KIAA1217: variants seen among roughly 807,000 people sequenced by gnomAD.
KIAA1217 encodes the protein sickle tail protein homolog.
Under a neutral mutation model 163.9 loss-of-function variants are expected in KIAA1217, and 88 were observed. The ratio of observed to expected loss-of-function variants is 0.54; its 90% confidence interval spans 0.45 to 0.64. KIAA1217 has a LOEUF of 0.64. KIAA1217 is among the 30% of genes least tolerant of loss of function. The pLI is 0.00. For synonymous variants in KIAA1217, 903 were observed against 923.1 expected, an observed-to-expected ratio of 0.98 and a Z score of 0.39; for missense variants, 2,372 against 2,475.0, an observed-to-expected ratio of 0.96 and a Z score of 0.88.
At chr10:24,018,207 T>C (rs1826478713) in intron 2 of KIAA1217, among the ~76,000 whole-genome samples, 1 of 152,018 alleles carries the variant, frequency 6.6e-6, no homozygotes, top group Non-Finnish European at 1.5e-5. Context: ...TGAGAACCCA[T>C]TAGCAAAAGC....
At chr10:24,130,324 G>T (rs1019812096) in intron 2 of KIAA1217, among the ~76,000 whole-genome samples, 1 of 152,136 alleles carries the variant, frequency 6.6e-6, no homozygotes, top group Non-Finnish European at 1.5e-5. Flanking sequence ...CAAGCATCAC[G>T]ATTTCCTATG....
Position 24,473,967 on chromosome 10 carries a change from G to T in KIAA1217, c.1586G>T (p.Gly529Val), listed in dbSNP as rs767300228. Residue 529 changes from glycine (G) to valine (V), a missense_variant, in exon 6 of 21, where the codon GGA becomes GTA. Around this residue, in one of 3 missense-constraint regions of KIAA1217, gnomAD observed 1,431 missense variants for 1,470.3 expected, o/e 0.97. Transcript: ENST00000376454. ...VYIEKPRSAA[G>V]LSSLVDLGPP... ...ATAGAAAAGCCACGGAGCGCTGCAGGATTATCCAGCCTTGTAGACCTCGGC... is the reference window on the plus strand; with the variant it reads ...ATAGAAAAGCCACGGAGCGCTGCAGTATTATCCAGCCTTGTAGACCTCGGC... The T allele has an allele frequency of 6.2e-7, 1 of 1,614,192 alleles. No individual in the cohort carries two copies. Among genetic ancestry groups the T allele is most frequent in the East Asian group, 2.2e-5 (1 of 44,860 alleles).
intron 5 of KIAA1217, among the ~76,000 whole-genome samples, chr10:24,468,856 T>G (rs555778911): frequency 3.3e-5 from 5 of 152,246 alleles, no homozygotes; most frequent in Admixed American, 2.0e-4. Context: ...CTTTCTAATC[T>G]CATCTATACA....
chr10:24,121,554 G>A (rs1186508596), intron 2 of KIAA1217, among the ~76,000 whole-genome samples: 1 of 152,216 alleles, frequency 6.6e-6, no homozygotes, highest in Non-Finnish European at 1.5e-5. Flanking sequence ...TGTCAGAAAT[G>A]AGGAGGGAGA....
intron 2 of KIAA1217, among the ~76,000 whole-genome samples, chr10:24,375,342 G>T (rs560799208): frequency 6.6e-6 from 1 of 152,316 alleles, no homozygotes; most frequent in Non-Finnish European, 1.5e-5. Flanking sequence ...TGGGAAAAAG[G>T]CAACTGCACT....
chr10:24,208,949 G>C (rs929653395), upstream of KIAA1217: 4 of 351,298 alleles, frequency 1.1e-5, no homozygotes, highest in African/African-American at 8.6e-5. Flanking sequence ...ACGGACGGAC[G>C]GACGGACGGA....
intron 2 of KIAA1217, among the ~76,000 whole-genome samples, chr10:24,018,296 C>T (rs1204806589): frequency 6.6e-6 from 1 of 151,990 alleles, no homozygotes; most frequent in African/African-American, 2.4e-5. Context: ...CTCTAACATG[C>T]TCAAGGAGTT....
At chr10:24,196,997 C>T (rs914632336) in intron 2 of KIAA1217, among the ~76,000 whole-genome samples, 2 of 152,194 alleles carry the variant, frequency 1.3e-5, no homozygotes, top group African/African-American at 4.8e-5. Context: ...AGGTGCTAAG[C>T]ATCATTACAC....
chr10:23,764,106 T>C (rs764200525), intron 1 of KIAA1217, among the ~76,000 whole-genome samples: 1 of 151,744 alleles, frequency 6.6e-6, no homozygotes, highest in African/African-American at 2.4e-5. Context: ...TAAACATATT[T>C]ACAAGAAAAA....
At chr10:24,116,181 G>A (rs570746612) in intron 2 of KIAA1217, among the ~76,000 whole-genome samples, 7 of 152,152 alleles carry the variant, frequency 4.6e-5, no homozygotes, top group African/African-American at 1.4e-4. Flanking sequence ...AAGAAGCCCC[G>A]TTGTCACACT....
At chr10:24,296,772 C>A (rs905746352) in intron 2 of KIAA1217, among the ~76,000 whole-genome samples, 3 of 152,112 alleles carry the variant, frequency 2.0e-5, no homozygotes, top group African/African-American at 7.2e-5. Context: ...TAGTGTTTGG[C>A]CTTCGCGAAG....
chr10:24,039,535 G>C (rs1170464396), intron 2 of KIAA1217, among the ~76,000 whole-genome samples: 1 of 152,068 alleles, frequency 6.6e-6, no homozygotes, highest in African/African-American at 2.4e-5. Flanking sequence ...GTGGCCAGAC[G>C]GTTTGCCCAA....
chr10:23,988,882 T>G (rs1172210448), intron 1 of KIAA1217, among the ~76,000 whole-genome samples: 1 of 152,230 alleles, frequency 6.6e-6, no homozygotes, highest in African/African-American at 2.4e-5. Flanking sequence ...TTTGTGAATG[T>G]GCTATAAAAT....
chr10:23,941,301 C>T (rs118000664), intron 1 of KIAA1217, among the ~76,000 whole-genome samples: 3,165 of 152,202 alleles, frequency 0.021, 59 homozygotes, highest in Admixed American at 0.063. Flanking sequence ...TCTGGGTTCA[C>T]GAATGGTGAC....
upstream of KIAA1217, chr10:24,209,027 T>A (rs2067737780): frequency 1.6e-6 from 1 of 606,390 alleles, no homozygotes; most frequent in Non-Finnish European, 2.9e-6. Flanking sequence ...TGCAGTTTTC[T>A]CGGGCGAGGG....
chr10:24,346,377 C>G (rs1057075663), intron 2 of KIAA1217, among the ~76,000 whole-genome samples: 15 of 151,686 alleles, frequency 9.9e-5, no homozygotes, highest in Admixed American at 6.6e-4. Context: ...GAGGCTGAGG[C>G]AGGAGAATGG....
intron 9 of KIAA1217, among the ~76,000 whole-genome samples, chr10:24,506,195 G>A (rs2068331256): frequency 6.6e-6 from 1 of 152,210 alleles, no homozygotes; most frequent in Admixed American, 6.5e-5. Flanking sequence ...TGCAGGAACA[G>A]ATCCAGGTGG....
intron 1 of KIAA1217, among the ~76,000 whole-genome samples, chr10:23,719,153 C>T (rs959517874): frequency 1.3e-5 from 2 of 152,146 alleles, no homozygotes; most frequent in Non-Finnish European, 2.9e-5. Flanking sequence ...TGGAAACAGT[C>T]CAAATGTCCA....
intron 1 of KIAA1217, among the ~76,000 whole-genome samples, chr10:23,772,541 C>T (rs1834843234): frequency 6.6e-6 from 1 of 152,126 alleles, no homozygotes; most frequent in African/African-American, 2.4e-5. Flanking sequence ...GTACTGACTT[C>T]TGAGTTTGGT....
Sources: gnomAD v4.1 joint callset for allele counts (sites outside exome capture counted in the v4.1 genomes callset) on GRCh38, gnomAD v4.1.1 for gene constraint, gnomAD v4.1.1 regional missense constraint, MANE v1.5 for transcripts, NCBI Gene and HGNC (gene_info 2026-07-23, HGNC 2026-07-21) for gene names.